The following RBFOX1 variants were observed in gnomAD, a reference collection of about 807,000 sequenced individuals.
The protein encoded by RBFOX1 is RNA binding protein fox-1 homolog 1.
A neutral mutation model predicts 57.7 loss-of-function variants in RBFOX1; 8 were observed. The observed-to-expected ratio is 0.14, with a 90% CI of 0.08 to 0.25. The LOEUF is 0.25. RBFOX1 is among the 10% of genes least tolerant of loss of function. The pLI, the probability that RBFOX1 is intolerant of heterozygous loss-of-function variation, is 1.00. For missense variants in RBFOX1, 611 were observed against 548.5 expected (o/e 1.11, Z -1.14); for synonymous variants, 326 against 222.4 (o/e 1.47, Z -4.15).
intron 4 of RBFOX1, among the ~76,000 whole-genome samples, chr16:7,173,579 C>T (rs2081118724): frequency 6.6e-6 from 1 of 152,024 alleles, no homozygotes; most frequent in African/African-American, 2.4e-5. Context: ...TACAGTAGTG[C>T]ATACTACTTT....
intron 2 of RBFOX1, among the ~76,000 whole-genome samples, chr16:6,341,973 C>T (rs2084641840): frequency 6.6e-6 from 1 of 152,202 alleles, no homozygotes; most frequent in African/African-American, 2.4e-5. Context: ...ATTCCATCTA[C>T]AACCTTAATT....
intron 4 of RBFOX1, among the ~76,000 whole-genome samples, chr16:7,218,379 G>C (rs972178273): frequency 2.0e-5 from 3 of 152,132 alleles, no homozygotes; most frequent in Non-Finnish European, 2.9e-5. Context: ...CTATGAGACA[G>C]AGTTAGAAGT....
chr16:7,430,896 G>A (rs2098672984), intron 4 of RBFOX1, among the ~76,000 whole-genome samples: 1 of 152,226 alleles, frequency 6.6e-6, no homozygotes, highest in Non-Finnish European at 1.5e-5. Context: ...GATGTGACTG[G>A]AAAAGAACCA....
chr16:5,676,641 A>G (rs990145080), intron 3 of RBFOX1, among the ~76,000 whole-genome samples: 15 of 152,190 alleles, frequency 9.9e-5, no homozygotes, highest in Non-Finnish European at 2.1e-4. Context: ...CAGGAAGATC[A>G]CTGGAGGCCA....
chr16:6,906,628 G>C (rs1304262712), intron 3 of RBFOX1, among the ~76,000 whole-genome samples: 1 of 152,070 alleles, frequency 6.6e-6, no homozygotes, highest in African/African-American at 2.4e-5. Flanking sequence ...ATTTCCTTGA[G>C]GACAGGAACA....
chr16:5,840,369 C>T (rs1597450623), intron 3 of RBFOX1, among the ~76,000 whole-genome samples: 1 of 152,184 alleles, frequency 6.6e-6, no homozygotes, highest in South Asian at 2.1e-4. Flanking sequence ...AGAGGCCACC[C>T]CCTGTCCCCA....
chr16:6,165,479 C>CA (rs1469451818), intron 1 of RBFOX1, among the ~76,000 whole-genome samples: 2 of 152,116 alleles, frequency 1.3e-5, no homozygotes, highest in Non-Finnish European at 2.9e-5. Flanking sequence ...AAGTCTCACT[C>CA]AAAAGAGTTC....
intron 2 of RBFOX1, among the ~76,000 whole-genome samples, chr16:5,479,746 C>G (rs2069458396): frequency 6.6e-6 from 1 of 151,908 alleles, no homozygotes; most frequent in East Asian, 1.9e-4. Flanking sequence ...GAACGAAACT[C>G]CATCCCCGCC....
Position 7,048,880 on chromosome 16 carries a change from A to T in RBFOX1, c.-15-3177A>T, listed in dbSNP as rs577642030. Among the ~76,000 whole-genome samples, 25 of 152,276 alleles carry T rather than the reference A, an allele frequency of 1.6e-4. No homozygotes were observed. In the South Asian group the frequency reaches 4.6e-3, roughly 28 times the overall value. On this transcript the variant is annotated intron_variant, in intron 3 of 15. Transcript: ENST00000550418. ...TGTTGATATTTTTGTTTTAATAAGC[A>T]ATCAATCTTGTTGCATTCAGGCTGA...
chr16:6,961,364 A>G (rs893489343), intron 3 of RBFOX1, among the ~76,000 whole-genome samples: 2 of 152,132 alleles, frequency 1.3e-5, no homozygotes, highest in African/African-American at 4.8e-5. Flanking sequence ...CCGTGTTCAA[A>G]CTGTAGTAAT....
chr16:5,494,883 C>G lies in RBFOX1; in HGVS notation c.258+27629C>G, dbSNP rs77105386. On this transcript the variant is annotated intron_variant, in intron 2 of 2. Transcript: ENST00000585867. Reference sequence around the variant, plus strand: ...GATCCTCAGTGGACCCCTGTTTACTCCTTCTTTTTATGTTCCAAACCTTCT... The same window carrying G: ...GATCCTCAGTGGACCCCTGTTTACTGCTTCTTTTTATGTTCCAAACCTTCT... Among the ~76,000 whole-genome samples the G allele has an allele frequency of 8.8e-3, 1,334 of 152,278 alleles. 17 individuals carry two copies. The highest frequency in any genetic ancestry group is 0.03 in the African/African-American group (1,246 of 41,552).
At chr16:7,128,181 C>G (rs2069121766) in intron 4 of RBFOX1, among the ~76,000 whole-genome samples, 1 of 152,168 alleles carries the variant, frequency 6.6e-6, no homozygotes. Context: ...CAATAAAATC[C>G]TCAAAGATTT....
intron 1 of RBFOX1, among the ~76,000 whole-genome samples, chr16:6,181,682 G>A (rs1384600304): frequency 1.3e-5 from 2 of 152,158 alleles, no homozygotes; most frequent in South Asian, 4.1e-4. Context: ...TGAAGCCATT[G>A]GGGATTTTCC....
In RBFOX1 at chr16:7,249,822, A is replaced by G. The variant is rs185539759; in HGVS notation, c.27+197724A>G. On this transcript the variant is annotated intron_variant, in intron 4 of 15. Transcript: ENST00000550418. ...CCAGGACTTTCTGGAGTCAGTTCCTACAAGTGGAAATACTTGAATAAAGGT... is the reference window on the plus strand; with the variant it reads ...CCAGGACTTTCTGGAGTCAGTTCCTGCAAGTGGAAATACTTGAATAAAGGT... Among the ~76,000 whole-genome samples the G allele has an allele frequency of 5.5e-3, 843 of 152,254 alleles. 1 individual carries two copies. Among genetic ancestry groups the G allele is most frequent in the Middle Eastern group, 0.031 (9 of 294 alleles).
intron 4 of RBFOX1, chr16:7,422,749 G>T (rs780741965): frequency 6.6e-6 from 1 of 152,118 alleles, no homozygotes; most frequent in African/African-American, 2.4e-5. Flanking sequence ...CATGTGTAGC[G>T]CCGAGTTTCT....
intron 1 of RBFOX1, among the ~76,000 whole-genome samples, chr16:6,295,785 G>A (rs996134985): frequency 6.6e-6 from 1 of 152,270 alleles, no homozygotes; most frequent in Admixed American, 6.5e-5. Context: ...TGCAGAGCCC[G>A]CTGTTCACAA....
chr16:5,430,640 A>G (rs1472768576), intron 1 of RBFOX1, among the ~76,000 whole-genome samples: 1 of 152,236 alleles, frequency 6.6e-6, no homozygotes, highest in Non-Finnish European at 1.5e-5. Flanking sequence ...ACACTCAGTG[A>G]TCAGAGCTCA....
chr16:6,003,781 C>A (rs1251101738), intron 4 of RBFOX1, among the ~76,000 whole-genome samples: 1 of 152,188 alleles, frequency 6.6e-6, no homozygotes, highest in Non-Finnish European at 1.5e-5. Flanking sequence ...TCAAATGCCT[C>A]AGGAACCACA....
chr16:5,957,443 T>C (rs1014667171), intron 4 of RBFOX1, among the ~76,000 whole-genome samples: 4 of 152,150 alleles, frequency 2.6e-5, no homozygotes, highest in Non-Finnish European at 4.4e-5. Context: ...TCACCTGGTC[T>C]TGAACCCCTC....
Sources: gnomAD v4.1 joint callset for allele counts (sites outside exome capture counted in the v4.1 genomes callset) on GRCh38, gnomAD v4.1.1 for gene constraint, MANE v1.5 for transcripts, NCBI Gene and HGNC (gene_info 2026-07-23, HGNC 2026-07-21) for gene names.